The following NAV3 variants were observed in gnomAD, a reference collection of about 807,000 sequenced individuals.
NAV3 encodes pore membrane and/or filament interacting like protein 1.
NAV3 carries 87 observed loss-of-function variants against 244.7 expected under a neutral mutation model. The ratio of observed to expected loss-of-function variants is 0.36; its 90% CI spans 0.30 to 0.42. The LOEUF is 0.42. Ranked by LOEUF, NAV3 falls within the 20% of genes least tolerant of loss-of-function variation. NAV3 has a pLI of 1.00. For missense variants in NAV3, 2,663 were observed against 2,893.3 expected (o/e 0.92, Z 1.83); for synonymous variants, 1,126 against 1,042.2 (o/e 1.08, Z -1.55).
rs566607314 is a variant in NAV3, at chr12:77,823,242, A to G, written c.73-117077A>G. Among the ~76,000 whole-genome samples the G allele has an allele frequency of 5.9e-5, 9 of 152,324 alleles. No individual in the cohort carries two copies. The East Asian group carries it at 1.4e-3, about 23-fold the overall frequency. On this transcript the variant is annotated intron_variant, in intron 2 of 8. Coordinates refer to the NAV3 transcript ENST00000550042. ...GCTAAAATTTTGGAGCCAAAGTACC[A>G]GAAAAGAAGGAACTGCAGAGAGAGA...
chr12:77,932,239 C>T (rs1241106530), intron 1 of NAV3, among the ~76,000 whole-genome samples: 1 of 152,092 alleles, frequency 6.6e-6, no homozygotes, highest in Non-Finnish European at 1.5e-5. Context: ...TTCCTGATAA[C>T]CCTAAGTCCG....
intron 3 of NAV3, 54 bp downstream of exon 3, chr12:77,941,187 A>T (rs2137485924): frequency 9.1e-7 from 1 of 1,094,960 alleles, no homozygotes; most frequent in South Asian, 1.4e-5. Flanking sequence ...TTCCAGAATT[A>T]ATTGCATTTG....
intron 12 of NAV3, among the ~76,000 whole-genome samples, chr12:78,113,903 A>G (rs935381413): frequency 1.1e-4 from 17 of 152,254 alleles, no homozygotes; most frequent in Middle Eastern, 3.4e-3. Flanking sequence ...CCAATTCCAA[A>G]CCATATCTTT....
At chr12:78,121,776 A>T (rs78068127) in intron 15 of NAV3, among the ~76,000 whole-genome samples, 164 bp from the exon 16 acceptor site, 3,090 of 152,254 alleles carry the variant, frequency 0.02, 53 homozygotes, top group Non-Finnish European at 0.031. Context: ...TCTGCACTTG[A>T]TAAAGAAGTC....
chr12:78,023,101 A>G (rs1593303204), intron 9 of NAV3, among the ~76,000 whole-genome samples: 2 of 152,316 alleles, frequency 1.3e-5, no homozygotes, highest in Middle Eastern at 6.8e-3. Context: ...TTAGCATGGC[A>G]TGAAGATGTG....
chr12:77,676,088 T>A (rs561894132), intron 2 of NAV3, among the ~76,000 whole-genome samples: 31 of 151,650 alleles, frequency 2.0e-4, no homozygotes, highest in Admixed American at 8.5e-4. Flanking sequence ...TTTTTTTAAA[T>A]TTTTTTTTAT....
intron 9 of NAV3, among the ~76,000 whole-genome samples, chr12:78,041,366 C>G (rs375679839): frequency 6.6e-6 from 1 of 152,090 alleles, no homozygotes; most frequent in East Asian, 1.9e-4. Flanking sequence ...GTGGCTGTTT[C>G]GTCAACCACC....
chr12:77,707,048 C>CTTT (rs541988750), intron 2 of NAV3, among the ~76,000 whole-genome samples: 4 of 151,218 alleles, frequency 2.6e-5, no homozygotes, highest in African/African-American at 9.7e-5. Flanking sequence ...GAATTGCTAC[C>CTTT]TTTTTTTTCT....
rs560668466 is a variant in NAV3, at chr12:77,744,762, A to AT, written c.72+172507dup. On this transcript the variant is annotated intron_variant, in intron 2 of 8. Coordinates refer to the NAV3 transcript ENST00000550042. ...TGCCATAGTCTTTTAATGTGGTTTG[A>AT]TTTTTTTTTTTAATTTTCATTGATT... is the stretch of plus-strand genomic sequence containing the variant. 4.1e-3 allele frequency among the ~76,000 whole-genome samples: 609 copies of AT among 148,394 alleles called. 4 individuals carry two copies. The highest frequency in any genetic ancestry group is 0.012 in the African/African-American group (505 of 40,708).
intron 2 of NAV3, among the ~76,000 whole-genome samples, chr12:77,695,859 G>A (rs1875272204): frequency 6.6e-6 from 1 of 152,058 alleles, no homozygotes; most frequent in African/African-American, 2.4e-5. Context: ...AAAGAAAGGT[G>A]AGAATTTTGT....
At chr12:77,644,873 C>A (rs1872551048) in intron 2 of NAV3, among the ~76,000 whole-genome samples, 1 of 151,980 alleles carries the variant, frequency 6.6e-6, no homozygotes, top group South Asian at 2.1e-4. Flanking sequence ...TAAATATAAA[C>A]CAAAATTTTA....
Position 77,831,193 on chromosome 12 carries a change from G to C in NAV3, c.-269G>C, listed in dbSNP as rs867274507. 2.3e-5 allele frequency: 2 copies of C among 85,874 alleles called. No individual in the cohort carries two copies. The highest frequency in any genetic ancestry group is 2.6e-5 in the Non-Finnish European group (1 of 37,790). The allele number at this position is 85,874 out of a possible 1,614,324, so 5.3% of individuals were successfully genotyped here. ...ACAGAGAGAGAGAGAGAGAGAGAGA[G>C]ACAGAGAGAGAGAGAGAGAGAGAGA... On this transcript the variant is annotated 5_prime_UTR_variant, in exon 1 of 40. Transcript: ENST00000397909.
chr12:77,616,156 C>A (rs867008910), intron 2 of NAV3, among the ~76,000 whole-genome samples: 44 of 152,132 alleles, frequency 2.9e-4, no homozygotes, highest in Middle Eastern at 6.8e-3. Flanking sequence ...TCCTGTAATC[C>A]CAGCACTTTG....
intron 10 of NAV3, among the ~76,000 whole-genome samples, 199 bp downstream of exon 10, chr12:78,050,300 T>C (rs1489183021): frequency 6.6e-6 from 1 of 152,244 alleles, no homozygotes; most frequent in Non-Finnish European, 1.5e-5. Flanking sequence ...TATCTCTATC[T>C]CTATCTGCTA....
chr12:77,747,202 T>A (rs1592643012), intron 2 of NAV3, among the ~76,000 whole-genome samples: 1 of 152,212 alleles, frequency 6.6e-6, no homozygotes, highest in Admixed American at 6.5e-5. Context: ...AAACATTGAT[T>A]TTTTCATGTC....
chr12:78,103,794 A>G (rs1048050900), intron 12 of NAV3, among the ~76,000 whole-genome samples: 1 of 152,214 alleles, frequency 6.6e-6, no homozygotes, highest in Admixed American at 6.5e-5. Context: ...CTAGGACAGT[A>G]TGGGTGATAC....
intron 1 of NAV3, among the ~76,000 whole-genome samples, chr12:77,890,075 C>T (rs887716582): frequency 6.6e-5 from 10 of 152,232 alleles, no homozygotes; most frequent in Non-Finnish European, 1.0e-4. Flanking sequence ...CGAATTATAT[C>T]TTATGTTAGT....
intron 9 of NAV3, among the ~76,000 whole-genome samples, chr12:78,031,002 G>A (rs1243023360): frequency 6.6e-6 from 1 of 152,144 alleles, no homozygotes; most frequent in African/African-American, 2.4e-5. Context: ...TATTGTTATT[G>A]TTGAACTTTT....
intron 1 of NAV3, among the ~76,000 whole-genome samples, chr12:77,904,177 A>G (rs1432770910): frequency 1.3e-5 from 2 of 152,238 alleles, no homozygotes; most frequent in Admixed American, 6.5e-5. Context: ...TCATGCTGCT[A>G]TAAAGACACA....
Sources: gnomAD v4.1 joint callset for allele counts (sites outside exome capture counted in the v4.1 genomes callset) on GRCh38, gnomAD v4.1.1 for gene constraint, MANE v1.5 for transcripts, NCBI Gene and HGNC (gene_info 2026-07-23, HGNC 2026-07-21) for gene names.